NRG1: variants seen among roughly 807,000 people sequenced by gnomAD.
NRG1 encodes the protein pro-neuregulin-1, membrane-bound isoform.
In NRG1, 18 loss-of-function variants were observed where a neutral mutation model predicts 63.8. The observed-to-expected ratio is 0.28, with a 90% CI of 0.19 to 0.42. NRG1 has a LOEUF of 0.42. Among genes scored for constraint, NRG1 ranks in the 10% least tolerant of loss-of-function variants. The pLI, the probability that NRG1 is intolerant of heterozygous loss-of-function variation, is 1.00. For missense variants in NRG1, 762 were observed against 814.7 expected (o/e 0.94, Z 0.79); for synonymous variants, 302 against 301.3 (o/e 1.00, Z -0.02).
intron 5 of NRG1, among the ~76,000 whole-genome samples, chr8:32,644,105 G>A (rs1852970975): frequency 6.6e-6 from 1 of 152,162 alleles, no homozygotes; most frequent in Non-Finnish European, 1.5e-5. Context: ...AATATGGACT[G>A]TATGGGATTA....
chr8:32,408,054 C>G (rs1231527209), intron 1 of NRG1, among the ~76,000 whole-genome samples: 1 of 152,118 alleles, frequency 6.6e-6, no homozygotes, highest in East Asian at 1.9e-4. Context: ...GTGAGTGCTC[C>G]CTGGGCTCTG....
chr8:31,702,611 C>T (rs1810741296), intron 1 of NRG1, among the ~76,000 whole-genome samples: 1 of 152,076 alleles, frequency 6.6e-6, no homozygotes, highest in Non-Finnish European at 1.5e-5. Flanking sequence ...TGGCTACAAG[C>T]ATGCTTAGCA....
intron 5 of NRG1, among the ~76,000 whole-genome samples, chr8:32,651,417 C>T (rs544300387): frequency 5.9e-5 from 9 of 152,024 alleles, no homozygotes; most frequent in Non-Finnish European, 1.0e-4. Context: ...ATAATACTTG[C>T]ACTATTCATT....
chr8:32,335,692 A>T (rs1803175799), intron 1 of NRG1, among the ~76,000 whole-genome samples: 1 of 152,050 alleles, frequency 6.6e-6, no homozygotes, highest in Non-Finnish European at 1.5e-5. Context: ...ATTCTGCTTG[A>T]CGGACTGGCA....
chr8:32,603,408 A>G (rs1376225971), intron 2 of NRG1, among the ~76,000 whole-genome samples: 1 of 152,186 alleles, frequency 6.6e-6, no homozygotes, highest in Non-Finnish European at 1.5e-5. Context: ...AATTTATTTG[A>G]ATGTGGAACA....
At chr8:32,686,326 C>T (rs180888542) in intron 5 of NRG1, among the ~76,000 whole-genome samples, 10 of 151,910 alleles carry the variant, frequency 6.6e-5, no homozygotes, top group African/African-American at 1.9e-4. Context: ...AACAAAAAGA[C>T]GAGAAAAGGA....
intron 1 of NRG1, among the ~76,000 whole-genome samples, chr8:32,386,363 A>G (rs1423231336): frequency 6.6e-6 from 1 of 152,220 alleles, no homozygotes; most frequent in Non-Finnish European, 1.5e-5. Context: ...TAGACGACCC[A>G]GACTTTCCTC....
chr8:31,934,996 G>A (rs752543144), intron 1 of NRG1, among the ~76,000 whole-genome samples: 14 of 152,162 alleles, frequency 9.2e-5, no homozygotes, highest in Non-Finnish European at 1.8e-4. Flanking sequence ...ACCCCACCCA[G>A]GCTGGAGTGC....
intron 5 of NRG1, among the ~76,000 whole-genome samples, chr8:32,695,952 C>T (rs143206432): frequency 2.0e-4 from 31 of 152,292 alleles, no homozygotes; most frequent in African/African-American, 7.2e-4. Flanking sequence ...TGCTAAAAAT[C>T]AGACTGACTA....
At position 32,616,156 on chromosome 8, in the gene NRG1, C is replaced by A. The variant is rs142331858; in HGVS notation, c.452-679C>A. Among the ~76,000 whole-genome samples, 1,052 of 151,926 alleles carry A rather than the reference C, an allele frequency of 6.9e-3. 12 individuals are homozygous for A. The highest frequency in any genetic ancestry group is 0.024 in the African/African-American group (982 of 41,466). On this transcript the variant is annotated intron_variant, in intron 4 of 11. Coordinates refer to ENST00000356819, the Ensembl canonical transcript of NRG1. ...AAACCCATCCGTTCCATGCTTTTTT[C>A]GGCATGAGTCATATTTTTCATTCTC...
At chr8:31,639,966 C>T in intron 1 of NRG1, 1 of 1,126,744 alleles carries the variant, frequency 8.9e-7, no homozygotes, top group Non-Finnish European at 1.1e-6. Flanking sequence ...CAGCCAGAAG[C>T]CCGCACGCAC....
chr8:32,299,044 A>AAG (rs1364041389), intron 1 of NRG1, among the ~76,000 whole-genome samples: 17 of 151,048 alleles, frequency 1.1e-4, no homozygotes, highest in Admixed American at 2.0e-4. Flanking sequence ...AAAAAAAAAA[A>AAG]AAAAGAAAGA....
intron 1 of NRG1, among the ~76,000 whole-genome samples, chr8:31,672,903 T>G (rs2131008742): frequency 6.6e-6 from 1 of 152,076 alleles, no homozygotes; most frequent in South Asian, 2.1e-4. Flanking sequence ...TATTTTACAT[T>G]CCTTTGTGTC....
chr8:32,286,082 C>T (rs1343576732), intron 1 of NRG1, among the ~76,000 whole-genome samples: 1 of 152,092 alleles, frequency 6.6e-6, no homozygotes, highest in Non-Finnish European at 1.5e-5. Context: ...TTTTAAAGAT[C>T]CTTTAGAAAG....
intron 1 of NRG1, among the ~76,000 whole-genome samples, chr8:32,323,963 T>A (rs952629976): frequency 6.6e-6 from 1 of 152,172 alleles, no homozygotes; most frequent in Non-Finnish European, 1.5e-5. Flanking sequence ...TCACACATCT[T>A]CCTCATCTGC....
intron 1 of NRG1, among the ~76,000 whole-genome samples, chr8:32,323,192 A>G (rs183686262): frequency 6.2e-4 from 95 of 152,186 alleles, no homozygotes; most frequent in Middle Eastern, 6.8e-3. Flanking sequence ...ATTGTTCTCC[A>G]CACTCTACTC....
chr8:31,732,332 T>C (rs2131359491), intron 1 of NRG1, among the ~76,000 whole-genome samples: 1 of 152,272 alleles, frequency 6.6e-6, no homozygotes, highest in Admixed American at 6.5e-5. Context: ...CAGAGGCAAA[T>C]CATCAGGTAT....
At chr8:32,003,354 C>T (rs1037226930) in intron 1 of NRG1, among the ~76,000 whole-genome samples, 1 of 152,056 alleles carries the variant, frequency 6.6e-6, no homozygotes, top group Non-Finnish European at 1.5e-5. Context: ...CATGTATAGA[C>T]TATTCCATCC....
intron 1 of NRG1, among the ~76,000 whole-genome samples, chr8:32,181,281 A>G (rs10106547): frequency 0.3 from 45,465 of 152,062 alleles, 9,860 homozygotes; most frequent in African/African-American, 0.62. Flanking sequence ...CATCTCTTCC[A>G]TAGAACTTTT....
Sources: allele counts gnomAD v4.1 joint callset (sites outside exome capture counted in the v4.1 genomes callset), GRCh38; gene constraint gnomAD v4.1.1; transcripts MANE v1.5; gene names NCBI Gene and HGNC (gene_info 2026-07-23, HGNC 2026-07-21).